NINL: variants seen among roughly 807,000 people sequenced by gnomAD.
NINL encodes ninein like.
Under a neutral mutation model 160.3 loss-of-function variants are expected in NINL, and 153 were observed. That is an observed-to-expected ratio of 0.95 (90% CI 0.84 to 1.09). NINL has a LOEUF of 1.09. Among genes scored for constraint, NINL ranks in the 50% least tolerant of loss-of-function variants. NINL has a pLI of 0.00. For missense variants in NINL, 1,829 were observed against 1,764.0 expected (o/e 1.04, Z -0.66); for synonymous variants, 800 against 734.8 (o/e 1.09, Z -1.43).
intron 1 of NINL, among the ~76,000 whole-genome samples, chr20:25,581,212 G>A (rs994308379): frequency 6.6e-6 from 1 of 152,238 alleles, no homozygotes; most frequent in Non-Finnish European, 1.5e-5. Flanking sequence ...GGGAAGCCAA[G>A]GCAGGTGGAT....
intron 17 of NINL, among the ~76,000 whole-genome samples, chr20:25,472,350 T>G (rs1244048153): frequency 1.5e-5 from 2 of 133,304 alleles, no homozygotes; most frequent in African/African-American, 3.0e-5. Flanking sequence ...TATATATATA[T>G]ATATATATAT....
Position 25,500,948 on chromosome 20 carries a change from G to C in NINL, c.924C>G (p.Ser308Arg), listed in dbSNP as rs1291627850. Residue 308 changes from serine to arginine, a missense_variant, in exon 8 of 24, where the codon AGC becomes AGG. Transcript: ENST00000278886. ...TTSSLVSLCS[S>R]LRLFSSIDDG... ...CGTCAATGCTGGAGAAGAGGCGCAG[G>C]CTGGAGCACAGGGACACGAGGGATG... 6 of 1,614,228 alleles carry C rather than the reference G, an allele frequency of 3.7e-6. No individual in the cohort carries two copies. The highest frequency in any genetic ancestry group is 1.1e-5 in the South Asian group (1 of 91,082).
intron 2 of NINL, among the ~76,000 whole-genome samples, chr20:25,519,320 C>T (rs913812272): frequency 4.6e-5 from 7 of 152,224 alleles, no homozygotes; most frequent in Non-Finnish European, 1.0e-4. Flanking sequence ...TAAACCCTCA[C>T]AAAATACTAT....
At chr20:25,565,820 CAG>C in intron 1 of NINL, among the ~76,000 whole-genome samples, 1 of 152,258 alleles carries the variant, frequency 6.6e-6, no homozygotes, top group East Asian at 1.9e-4. Flanking sequence ...AGAACAAAAA[CAG>C]AGAAAAGGCA....
At chr20:25,491,922 A>G (rs1487053329) in intron 10 of NINL, among the ~76,000 whole-genome samples, 2 of 152,230 alleles carry the variant, frequency 1.3e-5, no homozygotes, top group Non-Finnish European at 2.9e-5. Context: ...GGGAGGCAGC[A>G]TGAAACCCAT....
chr20:25,506,086 A>T (rs1180698556), intron 5 of NINL, among the ~76,000 whole-genome samples: 1 of 152,042 alleles, frequency 6.6e-6, no homozygotes, highest in African/African-American at 2.4e-5. Context: ...AATTGGTGAA[A>T]CCCCGTCTCT....
chr20:25,504,803 G>A (rs1371990924), intron 6 of NINL, 85 bp downstream of exon 6: 6 of 1,395,160 alleles, frequency 4.3e-6, no homozygotes, highest in East Asian at 2.3e-5. Context: ...ATGAGTGGCT[G>A]AAGGGTAGAG....
intron 5 of NINL, among the ~76,000 whole-genome samples, chr20:25,508,228 G>A (rs1209374571): frequency 1.3e-5 from 2 of 152,232 alleles, no homozygotes; most frequent in Non-Finnish European, 2.9e-5. Flanking sequence ...CAAGGATCAT[G>A]GTCCAAGGGG....
At chr20:25,495,624 CTG>C (rs2063737726) in intron 10 of NINL, among the ~76,000 whole-genome samples, 1 of 152,336 alleles carries the variant, frequency 6.6e-6, no homozygotes, top group South Asian at 2.1e-4. Flanking sequence ...TGCCCAAGAG[CTG>C]TGACTCAGAG....
At chr20:25,542,974 A>C (rs1056172087) in intron 1 of NINL, among the ~76,000 whole-genome samples, 3 of 147,986 alleles carry the variant, frequency 2.0e-5, no homozygotes, top group African/African-American at 7.4e-5. Flanking sequence ...TGGGAGGTGG[A>C]GGCTGCAGTG....
chr20:25,580,743 C>A (rs2065165378), intron 1 of NINL, among the ~76,000 whole-genome samples: 1 of 152,226 alleles, frequency 6.6e-6, no homozygotes, highest in South Asian at 2.1e-4. Flanking sequence ...CCAGGAGGCT[C>A]AAAGTTGCCC....
At chr20:25,567,306 A>G (rs1326302886) in intron 1 of NINL, among the ~76,000 whole-genome samples, 1 of 152,228 alleles carries the variant, frequency 6.6e-6, no homozygotes, top group African/African-American at 2.4e-5. Context: ...TCAAAGGTGT[A>G]ACACATGCAT....
chr20:25,540,063 A>G, intron 1 of NINL: 1 of 1,286,450 alleles, frequency 7.8e-7, no homozygotes, highest in Non-Finnish European at 1.0e-6. Flanking sequence ...CTTCATGCAA[A>G]CTGAATTATT....
intron 1 of NINL, among the ~76,000 whole-genome samples, chr20:25,534,957 A>G (rs2064530974): frequency 6.6e-6 from 1 of 152,234 alleles, no homozygotes; most frequent in Admixed American, 6.5e-5. Context: ...CTACATGTTC[A>G]GTATAGAGGC....
chr20:25,538,503 C>T (rs1471612325), intron 1 of NINL, among the ~76,000 whole-genome samples: 2 of 152,206 alleles, frequency 1.3e-5, no homozygotes, highest in African/African-American at 4.8e-5. Flanking sequence ...TGCCCTGGAC[C>T]TGGTGTAGAT....
intron 17 of NINL, among the ~76,000 whole-genome samples, chr20:25,474,816 G>A (rs552520602): frequency 1.7e-4 from 25 of 149,934 alleles, no homozygotes; most frequent in Non-Finnish European, 2.5e-4. Context: ...ACAGAGTTTC[G>A]CTCTTGTTGC....
At chr20:25,556,147 T>C (rs2064864096) in intron 1 of NINL, among the ~76,000 whole-genome samples, 1 of 152,034 alleles carries the variant, frequency 6.6e-6, no homozygotes, top group Admixed American at 6.5e-5. Context: ...CCAAGAGAGG[T>C]GGCAGATGCT....
rs1241930729 is a variant in NINL at position 25,519,460 on chromosome 20, T to C, written c.181-1611A>G. Reference sequence around the variant, plus strand: ...TTAAAATACATCTTTAGAACTTTGTTTTTCTTGAATATGCCAGTGCCAAAT... The same window carrying C: ...TTAAAATACATCTTTAGAACTTTGTCTTTCTTGAATATGCCAGTGCCAAAT... On this transcript the variant is annotated intron_variant, in intron 2 of 23. Transcript: ENST00000278886. 2.6e-5 allele frequency among the ~76,000 whole-genome samples: 4 copies of C among 152,368 alleles called. No homozygotes were observed. The East Asian group carries it at 7.7e-4, about 29-fold the overall frequency.
chr20:25,530,233 G>A (rs995627243), intron 1 of NINL, among the ~76,000 whole-genome samples: 3 of 152,144 alleles, frequency 2.0e-5, no homozygotes, highest in African/African-American at 7.2e-5. Context: ...GGGCGGTGAG[G>A]CACACGCACG....
Sources: gnomAD v4.1 joint callset for allele counts (sites outside exome capture counted in the v4.1 genomes callset) on GRCh38, gnomAD v4.1.1 for gene constraint, MANE v1.5 for transcripts, NCBI Gene and HGNC (gene_info 2026-07-23, HGNC 2026-07-21) for gene names.